PCMTD1: variants seen among roughly 807,000 people sequenced by gnomAD.
PCMTD1 encodes the protein protein-L-isoaspartate O-methyltransferase domain-containing protein 1.
In PCMTD1, 12 loss-of-function variants were observed where a neutral mutation model predicts 37.6. The ratio of observed to expected loss-of-function variants is 0.32; its 90% CI spans 0.20 to 0.52. PCMTD1 has a LOEUF of 0.52. PCMTD1 is among the 20% of genes least tolerant of loss of function. The probability of loss-of-function intolerance (pLI) is 0.97; values close to 1 mark genes in which losing one functional copy is unlikely to be tolerated. For synonymous variants in PCMTD1, 117 were observed against 135.8 expected (o/e 0.86, Z 0.96); for missense variants, 235 against 421.3 (o/e 0.56, Z 3.87).
chr8:51,878,362 CT>C (rs1249486276), intron 1 of PCMTD1, among the ~76,000 whole-genome samples: 2 of 151,870 alleles, frequency 1.3e-5, no homozygotes, highest in African/African-American at 4.8e-5. Context: ...TTGGACACCC[CT>C]GGTGTACAGG....
intron 1 of PCMTD1, among the ~76,000 whole-genome samples, chr8:51,862,701 C>T (rs1194977476): frequency 2.0e-5 from 3 of 152,166 alleles, no homozygotes; most frequent in Non-Finnish European, 2.9e-5. Flanking sequence ...CCTGGCACCA[C>T]GAGGGCAGCT....
At chr8:51,858,271 C>T (rs1039390320) in intron 2 of PCMTD1, among the ~76,000 whole-genome samples, 5 of 151,860 alleles carry the variant, frequency 3.3e-5, no homozygotes, top group African/African-American at 4.8e-5. Flanking sequence ...CCGGGACTCC[C>T]CCAGAGTTTA....
At position 51,862,349 on chromosome 8, in the gene PCMTD1, T is replaced by TAC. The variant is rs1181828511; in HGVS notation, c.-95-1104_-95-1103insGT. Among the ~76,000 whole-genome samples the TAC allele has an allele frequency of 5.0e-4, 33 of 65,852 alleles. No homozygotes were observed. In the Admixed American group the frequency reaches 7.0e-3, roughly 14 times the overall value. 43.2% of individuals were successfully genotyped at this position (65,852 alleles called of 152,430 possible). On this transcript the variant is annotated intron_variant, in intron 1 of 5. Coordinates refer to ENST00000522514, the MANE Select transcript of PCMTD1 (RefSeq NM_052937.4). ...ATATTCCAAGCACTAGAACATGTTT[T>TAC]ATACACATACACACACACACACACT...
At chr8:51,845,460 CATT>C (rs1239078641) in intron 3 of PCMTD1, 198 bp downstream of exon 3, 43 of 410,890 alleles carry the variant, frequency 1.0e-4, no homozygotes, top group East Asian at 5.5e-4. Flanking sequence ...CAAAAAATCA[CATT>C]ATTTATAATT....
At chr8:51,820,946 G>A (rs1585777524) in intron 5 of PCMTD1, among the ~76,000 whole-genome samples, 1 of 152,266 alleles carries the variant, frequency 6.6e-6, no homozygotes, top group South Asian at 2.1e-4. Context: ...GTGTGTCTGT[G>A]TGTTGGCATT....
chr8:51,846,781 A>G (rs1399354847), intron 2 of PCMTD1, among the ~76,000 whole-genome samples: 1 of 152,238 alleles, frequency 6.6e-6, no homozygotes, highest in Non-Finnish European at 1.5e-5. Flanking sequence ...ATGTTGAAAC[A>G]GTACATGTAA....
At chr8:51,887,564 C>A (rs1047433683) in intron 1 of PCMTD1, among the ~76,000 whole-genome samples, 1 of 151,778 alleles carries the variant, frequency 6.6e-6, no homozygotes, top group Non-Finnish European at 1.5e-5. Context: ...TAACTGAACA[C>A]CCTGAAACTC....
At position 51,819,012 on chromosome 8, in the gene PCMTD1, TTTC is replaced by T. The variant is rs2037806549; in HGVS notation, c.*1336_*1338del. ...CTAGCAAATATGTTACATTGTACACTTTCTTAACAAGGAATGGCTGTTTTCAGG... is the reference window on the plus strand; with the variant it reads ...CTAGCAAATATGTTACATTGTACACTTTAACAAGGAATGGCTGTTTTCAGG... On this transcript the variant is annotated 3_prime_UTR_variant, in exon 6 of 6. Coordinates refer to ENST00000522514, the MANE Select transcript of PCMTD1 (RefSeq NM_052937.4). The T allele has an allele frequency of 7.4e-6, 1 of 134,608 alleles. No homozygotes were observed. The highest frequency in any genetic ancestry group is 2.9e-5 in the African/African-American group (1 of 34,908). 8.3% of individuals were successfully genotyped at this position (134,608 alleles called of 1,614,324 possible). A position where few individuals can be genotyped will look rare whatever the true frequency, so the allele number is the denominator to read the frequency against.
At chr8:51,823,322 G>A (rs1052951107) in intron 5 of PCMTD1, among the ~76,000 whole-genome samples, 1 of 152,032 alleles carries the variant, frequency 6.6e-6, no homozygotes, top group East Asian at 1.9e-4. Context: ...AAATTAGCCG[G>A]GCATGGTGGT....
chr8:51,834,221 G>A (rs544517940), intron 3 of PCMTD1, among the ~76,000 whole-genome samples: 1 of 152,308 alleles, frequency 6.6e-6, no homozygotes, highest in Admixed American at 6.5e-5. Context: ...GTAAGGTTAG[G>A]AAGAGTTTCT....
chr8:51,864,553 A>G (rs1321654591), intron 1 of PCMTD1, among the ~76,000 whole-genome samples: 1 of 152,244 alleles, frequency 6.6e-6, no homozygotes, highest in Non-Finnish European at 1.5e-5. Flanking sequence ...ACCAGAAACC[A>G]GTAACAGGAG....
At chr8:51,875,841 A>G (rs1189973881) in intron 1 of PCMTD1, among the ~76,000 whole-genome samples, 1 of 152,188 alleles carries the variant, frequency 6.6e-6, no homozygotes, top group African/African-American at 2.4e-5. Context: ...CCGAGACAGA[A>G]GGATCACTTG....
At chr8:51,834,310 G>GC (rs2129276706) in intron 3 of PCMTD1, among the ~76,000 whole-genome samples, 1 of 152,230 alleles carries the variant, frequency 6.6e-6, no homozygotes, top group Non-Finnish European at 1.5e-5. Flanking sequence ...TGCTGCTTTG[G>GC]CCCCGATGAT....
intron 3 of PCMTD1, among the ~76,000 whole-genome samples, chr8:51,835,440 T>C (rs1343094173): frequency 6.6e-6 from 1 of 152,196 alleles, no homozygotes; most frequent in Admixed American, 6.5e-5. Context: ...TAATCTCGGA[T>C]TGTTTAAAAT....
chr8:51,850,452 CACAA>C (rs1321186387), intron 2 of PCMTD1, among the ~76,000 whole-genome samples: 2 of 152,102 alleles, frequency 1.3e-5, no homozygotes, highest in East Asian at 3.9e-4. Flanking sequence ...TGGGTCCTAC[CACAA>C]ACAGATAAAA....
chr8:51,877,569 T>C (rs908225524), intron 1 of PCMTD1, among the ~76,000 whole-genome samples: 3 of 149,050 alleles, frequency 2.0e-5, no homozygotes. Context: ...GTCTTTGAAT[T>C]AATTTTGCTT....
chr8:51,841,880 C>G (rs1400710238), intron 3 of PCMTD1, among the ~76,000 whole-genome samples: 1 of 152,164 alleles, frequency 6.6e-6, no homozygotes, highest in Non-Finnish European at 1.5e-5. Flanking sequence ...AGCTCGTAAA[C>G]AGAGTGTTTT....
chr8:51,896,469 C>T (rs533805133), intron 1 of PCMTD1: 8 of 152,192 alleles, frequency 5.3e-5, no homozygotes, highest in Admixed American at 2.0e-4. Flanking sequence ...AGTTCAACTA[C>T]GTTCATAAAA....
At position 51,899,003 on chromosome 8, in the gene PCMTD1, C is replaced by T. The variant is rs1193240621; in HGVS notation, c.-169G>A. The T allele has an allele frequency of 2.6e-6, 4 of 1,512,170 alleles. No homozygotes were observed. Among genetic ancestry groups the T allele is most frequent in the Non-Finnish European group, 3.5e-6 (4 of 1,137,462 alleles). 93.7% of individuals were successfully genotyped at this position (1,512,170 alleles called of 1,614,324 possible). A position where few individuals can be genotyped will look rare whatever the true frequency, so the allele number is the denominator to read the frequency against. ...GTCCGCAGCAGCCAGACGCCGCTAC[C>T]ACCACAATAACAACACGGACGCCAC... On this transcript the variant is annotated 5_prime_UTR_variant, in exon 1 of 6. Transcript: ENST00000522514.
Sources: allele counts gnomAD v4.1 joint callset (sites outside exome capture counted in the v4.1 genomes callset), GRCh38; gene constraint gnomAD v4.1.1; transcripts MANE v1.5; gene names NCBI Gene and HGNC (gene_info 2026-07-23, HGNC 2026-07-21).